Variants in HMGXB3 observed in about 807,000 individuals in gnomAD.
HMGXB3 encodes the protein HMG domain-containing protein 3.
In HMGXB3, 45 loss-of-function variants were observed where a neutral mutation model predicts 121.5. The observed-to-expected ratio is 0.37, with a 90% CI of 0.29 to 0.47. HMGXB3 has a LOEUF of 0.47. HMGXB3 is among the 20% of genes least tolerant of loss of function. The pLI, the probability that HMGXB3 is intolerant of heterozygous loss-of-function variation, is 0.99. For missense variants in HMGXB3, 1,376 were observed against 1,602.2 expected, an observed-to-expected ratio of 0.86 and a Z score of 2.41; for synonymous variants, 590 against 624.1, an observed-to-expected ratio of 0.95 and a Z score of 0.81.
chr5:150,025,671 G>T (rs946068181), intron 7 of HMGXB3, among the ~76,000 whole-genome samples: 1 of 151,908 alleles, frequency 6.6e-6, no homozygotes, highest in African/African-American at 2.4e-5. Context: ...AGGCTCAATC[G>T]ATCTTCCCAC....
Position 150,040,847 on chromosome 5 carries a change from A to G in HMGXB3, c.2513A>G (p.Asn838Ser), listed in dbSNP as rs377424051. 69 of 1,551,242 alleles carry G rather than the reference A, an allele frequency of 4.4e-5. No individual in the cohort carries two copies. The highest frequency in any genetic ancestry group is 1.8e-4 in the African/African-American group (13 of 73,098). The change falls in exon 14 of 20, where the codon AAT becomes AGT. Residue 838 changes from asparagine (N) to serine (S), a missense_variant. Asn to Ser is a conservative substitution (Grantham distance 46). This residue lies in a region of HMGXB3 where 1,116 missense variants were observed against 1,369.0 expected (regional missense o/e 0.82). Transcript: ENST00000502717. ...KLGEDPRVSINVVLKSVQEQT... is the reference protein window; with the variant it reads ...KLGEDPRVSISVVLKSVQEQT... ...GGAGAGGACCCCAGAGTGTCCATCA[A>G]TGTTGTTCTGAAGTCGGTGCAGGAG...
chr5:150,011,366 A>T (rs929897579), intron 4 of HMGXB3, among the ~76,000 whole-genome samples: 1 of 152,164 alleles, frequency 6.6e-6, no homozygotes, highest in Non-Finnish European at 1.5e-5. Flanking sequence ...ACCATGCCAT[A>T]GTATAATATA....
At chr5:150,034,584 A>G (rs570296885) in intron 11 of HMGXB3, among the ~76,000 whole-genome samples, 1 of 152,206 alleles carries the variant, frequency 6.6e-6, no homozygotes, top group Admixed American at 6.5e-5. Context: ...ACTTATATCC[A>G]TCTGTATTTG....
At chr5:150,045,775 G>A (rs1016088325) in intron 16 of HMGXB3, 90 bp downstream of exon 16, 11 of 984,110 alleles carry the variant, frequency 1.1e-5, no homozygotes, top group African/African-American at 3.2e-5. Context: ...CAGTGGTAGC[G>A]AGAGGGCCAG....
chr5:150,020,386 G>A (rs1756060545), intron 6 of HMGXB3, among the ~76,000 whole-genome samples: 1 of 152,228 alleles, frequency 6.6e-6, no homozygotes, highest in Non-Finnish European at 1.5e-5. Flanking sequence ...GAACTGGATA[G>A]TAGTCAGAAT....
chr5:150,049,043 T>C (rs1756826516), intron 18 of HMGXB3, among the ~76,000 whole-genome samples: 1 of 152,164 alleles, frequency 6.6e-6, no homozygotes, highest in Non-Finnish European at 1.5e-5. Flanking sequence ...GGGCCTAAGA[T>C]AGAAAGTAAC....
chr5:150,011,618 T>C (rs1755842060), intron 4 of HMGXB3, among the ~76,000 whole-genome samples: 1 of 150,512 alleles, frequency 6.6e-6, no homozygotes, highest in Admixed American at 6.6e-5. Context: ...TTTTTTTTTT[T>C]TTTGAGACGG....
intron 13 of HMGXB3, among the ~76,000 whole-genome samples, chr5:150,040,468 G>A (rs975526995): frequency 2.6e-5 from 4 of 152,020 alleles, no homozygotes; most frequent in Non-Finnish European, 4.4e-5. Flanking sequence ...GGGCTCAAGC[G>A]ATCCTCCCAC....
chr5:150,004,309 C>A (rs1461258304), intron 1 of HMGXB3, among the ~76,000 whole-genome samples: 1 of 152,118 alleles, frequency 6.6e-6, no homozygotes, highest in Non-Finnish European at 1.5e-5. Flanking sequence ...AAAGACCTGA[C>A]CAAAATTGCA....
chr5:150,015,883 G>A (rs1262263629), intron 5 of HMGXB3, among the ~76,000 whole-genome samples: 7 of 151,900 alleles, frequency 4.6e-5, no homozygotes, highest in East Asian at 1.9e-4. Flanking sequence ...CTTGTCTTAC[G>A]GCCCAGAATG....
intron 5 of HMGXB3, among the ~76,000 whole-genome samples, chr5:150,016,273 G>A (rs369231673): frequency 6.7e-6 from 1 of 149,586 alleles, no homozygotes. Context: ...CCCAGTAGTT[G>A]GAGGATACAG....
Position 150,018,694 on chromosome 5 carries a change from A to G in HMGXB3, c.1038A>G (p.Pro346=). ...CGNFLGGKWI[P]KEKPAKVKVE... is the part of the protein sequence containing the mutation. The stretch of plus-strand genomic sequence containing the variant: ...ACTTCCTAGGAGGGAAGTGGATCCC[A>G]AAGGTAAGGTCCATTGGCTGTTGCT... The change falls in exon 6 of 20, where the codon CCA becomes CCG. Residue 346 remains proline (P), a synonymous_variant. Transcript: ENST00000502717. The G allele has an allele frequency of 6.5e-7, 1 of 1,550,364 alleles. No individual in the cohort carries two copies. Among genetic ancestry groups the G allele is most frequent in the Non-Finnish European group, 8.7e-7 (1 of 1,146,328 alleles).
At chr5:150,031,870 T>C (rs1024187190) in intron 10 of HMGXB3, among the ~76,000 whole-genome samples, 1 of 152,148 alleles carries the variant, frequency 6.6e-6, no homozygotes, top group Admixed American at 6.6e-5. Flanking sequence ...TCTCTTATCC[T>C]GGAGATCTGC....
At chr5:150,022,768 C>T (rs1272554098) in intron 6 of HMGXB3, among the ~76,000 whole-genome samples, 1 of 150,642 alleles carries the variant, frequency 6.6e-6, no homozygotes, top group Admixed American at 6.6e-5. Flanking sequence ...GTGTTAGAAT[C>T]TGAGAATGCT....
At position 150,051,116 on chromosome 5, in the gene HMGXB3, T is replaced by C. The variant is rs567649284; in HGVS notation, c.3412-609T>C. Among the ~76,000 whole-genome samples the C allele has an allele frequency of 2.0e-5, 3 of 152,312 alleles. No homozygotes were observed. The South Asian group carries it at 6.2e-4, about 32-fold the overall frequency. The stretch of plus-strand genomic sequence containing the variant: ...GGAAGCTAAGGCCCAGAGGAGGAAA[T>C]GGACTTTTCCGGGTCCCACAGCAGA... On this transcript the variant is annotated intron_variant, in intron 19 of 19. Coordinates refer to ENST00000502717, the MANE Select transcript of HMGXB3 (RefSeq NM_014983.3).
chr5:150,013,983 A>G (rs745666821), intron 5 of HMGXB3, among the ~76,000 whole-genome samples: 1 of 152,250 alleles, frequency 6.6e-6, no homozygotes, highest in Non-Finnish European at 1.5e-5. Flanking sequence ...TTACATTACA[A>G]CCAACTAATA....
intron 9 of HMGXB3, chr5:150,030,339 T>TG (rs1561871800): frequency 6.3e-6 from 1 of 158,280 alleles, no homozygotes; most frequent in African/African-American, 2.4e-5. Context: ...TTGTAGATAG[T>TG]GGTAAAGAGG....
At chr5:150,008,110 CT>C (rs1755750982) in intron 3 of HMGXB3, among the ~76,000 whole-genome samples, 1 of 149,378 alleles carries the variant, frequency 6.7e-6, no homozygotes, top group Admixed American at 6.7e-5. Flanking sequence ...AATCAGCAAT[CT>C]TTTTGTGCAT....
Position 150,047,664 on chromosome 5 carries a change from C to T in HMGXB3, c.2991C>T (p.Thr997=), listed in dbSNP as rs1322692788. 1.9e-6 allele frequency: 3 copies of T among 1,551,622 alleles called. No individual in the cohort carries two copies. Among genetic ancestry groups the T allele is most frequent in the Non-Finnish European group, 2.6e-6 (3 of 1,147,006 alleles). Residue 997 remains threonine (T), a synonymous_variant, in exon 17 of 20, where the codon ACC becomes ACT. Transcript: ENST00000502717. The part of the protein sequence containing the change: ...SALVRLLQEG[T]CKLDEIGSYS... ...TGGTGAGGCTGCTCCAGGAGGGCAC[C>T]TGCAAGCTTGATGAGATTGGCTCCT...
Sources: allele counts gnomAD v4.1 joint callset (sites outside exome capture counted in the v4.1 genomes callset), GRCh38; gene constraint gnomAD v4.1.1; regional missense constraint gnomAD v4.1.1; transcripts MANE v1.5; gene names NCBI Gene and HGNC (gene_info 2026-07-23, HGNC 2026-07-21).